PGBD2: variants seen among roughly 807,000 people sequenced by gnomAD.
The protein encoded by PGBD2 is piggyBac transposable element derived 2, also known as piggyBac transposable element-derived protein 2.
PGBD2 carries 6 observed loss-of-function variants against 8.1 expected under a neutral mutation model. That is an observed-to-expected ratio of 0.74 (90% CI 0.40 to 1.46). The LOEUF (loss-of-function observed/expected upper bound fraction) is 1.46, where lower values mean the gene tolerates loss of function less well. PGBD2 is among the 40% of genes most tolerant of loss of function. The pLI, the probability that PGBD2 is intolerant of heterozygous loss-of-function variation, is 0.02. For synonymous variants in PGBD2, 318 were observed against 272.2 expected (o/e 1.17, Z -1.66); for missense variants, 802 against 739.0 (o/e 1.09, Z -0.99).
chr1:248,916,244 T>A (rs1378434539), intron 2 of PGBD2, among the ~76,000 whole-genome samples: 2 of 151,960 alleles, frequency 1.3e-5, no homozygotes, highest in East Asian at 3.9e-4. Flanking sequence ...AAACCCCATC[T>A]CTACTAAAAA....
At chr1:248,882,075 C>T in the PGBD2 span, among the ~76,000 whole-genome samples, 12 of 152,104 alleles carry the variant, frequency 7.9e-5, no homozygotes, top group Admixed American at 2.0e-4. Context: ...GCCAGCAGCC[C>T]GCAATGCAAT....
the PGBD2 span, among the ~76,000 whole-genome samples, chr1:248,900,105 A>G: frequency 6.6e-5 from 10 of 151,672 alleles, no homozygotes; most frequent in Middle Eastern, 6.8e-3. Context: ...ACCAAAAAAA[A>G]AAAAAAAAAA....
chr1:248,877,172 G>A, the PGBD2 span, among the ~76,000 whole-genome samples: 3 of 152,180 alleles, frequency 2.0e-5, no homozygotes, highest in Admixed American at 6.5e-5. Context: ...TAGGAATTTT[G>A]TATGTTGTTG....
At chr1:248,897,303 G>A in the PGBD2 span, among the ~76,000 whole-genome samples, 1 of 151,486 alleles carries the variant, frequency 6.6e-6, no homozygotes, top group East Asian at 1.9e-4. Context: ...ACAAATACAG[G>A]ATGTGAGGTC....
the PGBD2 span, among the ~76,000 whole-genome samples, chr1:248,926,741 C>G: frequency 6.6e-5 from 10 of 151,298 alleles, no homozygotes; most frequent in African/African-American, 2.4e-4. Flanking sequence ...TGTTTAGATT[C>G]ATGTGGGAAT....
In PGBD2 at chr1:248,918,519, A is replaced by C; in HGVS notation, c.*156A>C. On this transcript the variant is annotated 3_prime_UTR_variant, in exon 3 of 3. Transcript: ENST00000329291. ...TACCCACAATACAGTTATCTTTTTT[A>C]TTGTGTTGTGTTATGCCTACATGTG... is the stretch of plus-strand genomic sequence containing the variant. 1 of 616,152 alleles carries C rather than the reference A, an allele frequency of 1.6e-6. No homozygotes were observed. The highest frequency in any genetic ancestry group is 2.7e-6 in the Non-Finnish European group (1 of 372,522). 38.2% of individuals were successfully genotyped at this position (616,152 alleles called of 1,614,324 possible).
At chr1:248,906,797 C>CT (rs1661657463) in intron 1 of PGBD2, among the ~76,000 whole-genome samples, 1 of 152,096 alleles carries the variant, frequency 6.6e-6, no homozygotes, top group Non-Finnish European at 1.5e-5. Context: ...CTGCGTCTGC[C>CT]TGGGAAGCTG....
At chr1:248,880,331 C>T in the PGBD2 span, among the ~76,000 whole-genome samples, 1 of 152,186 alleles carries the variant, frequency 6.6e-6, no homozygotes, top group Non-Finnish European at 1.5e-5. Flanking sequence ...AGGCATATGA[C>T]ATTTTTTGTA....
At chr1:248,913,948 C>T (rs1327382040) in intron 2 of PGBD2, 69 bp downstream of exon 2, 1 of 1,347,656 alleles carries the variant, frequency 7.4e-7, no homozygotes, top group East Asian at 2.3e-5. Context: ...AAGGCCAGGT[C>T]CATGACATTT....
At chr1:248,924,304 G>A (rs535135053), downstream of PGBD2, among the ~76,000 whole-genome samples, 12 of 152,330 alleles carry the variant, frequency 7.9e-5, no homozygotes, top group East Asian at 7.7e-4. Flanking sequence ...AGCACGTGGC[G>A]TGCAAACCCA....
the PGBD2 span, among the ~76,000 whole-genome samples, chr1:248,874,286 C>G: frequency 6.6e-6 from 1 of 152,146 alleles, no homozygotes; most frequent in South Asian, 2.1e-4. Flanking sequence ...GCGCTCTCAC[C>G]GCCGCGGCCC....
At chr1:248,893,327 TTA>T in the PGBD2 span, among the ~76,000 whole-genome samples, 3 of 152,230 alleles carry the variant, frequency 2.0e-5, no homozygotes, top group African/African-American at 7.2e-5. Flanking sequence ...TCTTCAGAAC[TTA>T]TGTTATGTAA....
intron 1 of PGBD2, 129 bp from the exon 2 acceptor site, chr1:248,913,687 C>T (rs757188068): frequency 8.4e-5 from 53 of 632,202 alleles, no homozygotes; most frequent in East Asian, 3.2e-4. Context: ...AATAACCAGT[C>T]GACCCAGACA....
At chr1:248,900,712 A>C in the PGBD2 span, among the ~76,000 whole-genome samples, 1 of 152,194 alleles carries the variant, frequency 6.6e-6, no homozygotes, top group South Asian at 2.1e-4. Flanking sequence ...CACTATTCCT[A>C]TTCAACATGG....
downstream of PGBD2, among the ~76,000 whole-genome samples, chr1:248,921,495 T>G (rs1468851464): frequency 6.6e-6 from 1 of 152,214 alleles, no homozygotes; most frequent in Non-Finnish European, 1.5e-5. Context: ...ATTGTCTATA[T>G]ATCTGTTTTG....
At chr1:248,920,578 A>G (rs528785459), downstream of PGBD2, among the ~76,000 whole-genome samples, 60 of 152,220 alleles carry the variant, frequency 3.9e-4, no homozygotes, top group African/African-American at 1.4e-3. Context: ...AGTCTTTGCT[A>G]TTGTGAATAG....
At chr1:248,874,428 T>G in the PGBD2 span, among the ~76,000 whole-genome samples, 1 of 152,198 alleles carries the variant, frequency 6.6e-6, no homozygotes, top group African/African-American at 2.4e-5. Flanking sequence ...GGTGTCCTCA[T>G]TTTGCAGAGT....
At chr1:248,879,861 C>T in the PGBD2 span, among the ~76,000 whole-genome samples, 1 of 152,074 alleles carries the variant, frequency 6.6e-6, no homozygotes, top group Non-Finnish European at 1.5e-5. Flanking sequence ...GTTGTTGTGA[C>T]TGCTCATGAA....
the PGBD2 span, among the ~76,000 whole-genome samples, chr1:248,900,903 C>A: frequency 1.4e-3 from 206 of 152,282 alleles, no homozygotes; most frequent in African/African-American, 4.7e-3. Flanking sequence ...TCTCAGGATA[C>A]AAAGTCAGTG....
Sources: allele counts gnomAD v4.1 joint callset (sites outside exome capture counted in the v4.1 genomes callset), GRCh38; gene constraint gnomAD v4.1.1; transcripts MANE v1.5; gene names NCBI Gene and HGNC (gene_info 2026-07-23, HGNC 2026-07-21).